The following SEMA6D variants were observed in gnomAD, a reference collection of about 807,000 sequenced individuals.
SEMA6D encodes semaphorin-6D.
Under a neutral mutation model 106.6 loss-of-function variants are expected in SEMA6D, and 35 were observed. The ratio of observed to expected loss-of-function variants is 0.33; its 90% CI spans 0.25 to 0.44. SEMA6D has a LOEUF of 0.44. Among genes scored for constraint, SEMA6D ranks in the 20% least tolerant of loss-of-function variants. SEMA6D has a pLI of 1.00. For synonymous variants in SEMA6D, 499 were observed against 487.7 expected, an observed-to-expected ratio of 1.02 and a Z score of -0.31; for missense variants, 1,185 against 1,345.9, an observed-to-expected ratio of 0.88 and a Z score of 1.87.
intron 3 of SEMA6D, among the ~76,000 whole-genome samples, chr15:47,506,599 AACACACACACACACAC>A (rs61155774): frequency 7.3e-6 from 1 of 137,796 alleles, no homozygotes; most frequent in Non-Finnish European, 1.6e-5. Context: ...CACACACACA[AACACACACACACACAC>A]ACACACACAC....
At chr15:47,481,559 G>A (rs1033654938) in intron 3 of SEMA6D, among the ~76,000 whole-genome samples, 4 of 152,206 alleles carry the variant, frequency 2.6e-5, no homozygotes, top group African/African-American at 9.6e-5. Context: ...GACTGTTTTA[G>A]GTCACAACCA....
chr15:47,429,649 T>C (rs16959469), intron 2 of SEMA6D, among the ~76,000 whole-genome samples: 1,904 of 152,248 alleles, frequency 0.013, 50 homozygotes, highest in African/African-American at 0.044. Flanking sequence ...GGGCAGATGG[T>C]ATTTTTCTGA....
At chr15:47,504,985 A>G (rs1275627792) in intron 3 of SEMA6D, among the ~76,000 whole-genome samples, 1 of 152,136 alleles carries the variant, frequency 6.6e-6, no homozygotes, top group Non-Finnish European at 1.5e-5. Context: ...CATTCCTGTC[A>G]TCTGAGCCTG....
At chr15:47,575,136 T>C (rs1355211814) in intron 3 of SEMA6D, among the ~76,000 whole-genome samples, 1 of 152,222 alleles carries the variant, frequency 6.6e-6, no homozygotes, top group Non-Finnish European at 1.5e-5. Context: ...ACAATTGTCA[T>C]TTCACTCATT....
At chr15:47,458,374 A>G (rs2042406186) in intron 2 of SEMA6D, among the ~76,000 whole-genome samples, 1 of 152,006 alleles carries the variant, frequency 6.6e-6, no homozygotes, top group Admixed American at 6.6e-5. Context: ...CCTAATTGAC[A>G]TTATGGAAGA....
At chr15:47,765,175 G>A in intron 13 of SEMA6D, 119 bp downstream of exon 13, 1 of 1,449,520 alleles carries the variant, frequency 6.9e-7, no homozygotes. Flanking sequence ...ATAGTGTTTT[G>A]TGTTTTTTTT....
At chr15:47,741,338 C>T (rs1197933488) in intron 1 of SEMA6D, among the ~76,000 whole-genome samples, 1 of 152,222 alleles carries the variant, frequency 6.6e-6, no homozygotes, top group African/African-American at 2.4e-5. Flanking sequence ...TGTTAGCATG[C>T]AACCCTGGCT....
At chr15:47,760,125 T>C in intron 2 of SEMA6D, 179 bp from the exon 3 acceptor site, 1 of 593,954 alleles carries the variant, frequency 1.7e-6, no homozygotes, top group Middle Eastern at 3.1e-4. Context: ...GTTATATATT[T>C]TGAGTTAAAA....
intron 2 of SEMA6D, among the ~76,000 whole-genome samples, chr15:47,463,363 C>A (rs1392649122): frequency 6.6e-6 from 1 of 152,188 alleles, no homozygotes; most frequent in Admixed American, 6.6e-5. Context: ...TGCTGATCAT[C>A]TCTGCCCATG....
chr15:47,694,891 A>G (rs568831588), intron 4 of SEMA6D, among the ~76,000 whole-genome samples: 1 of 152,304 alleles, frequency 6.6e-6, no homozygotes, highest in South Asian at 2.1e-4. Context: ...ATGTATTACA[A>G]TTATTGAGTT....
intron 2 of SEMA6D, among the ~76,000 whole-genome samples, chr15:47,449,613 C>T (rs894967412): frequency 6.6e-6 from 1 of 152,032 alleles, no homozygotes; most frequent in African/African-American, 2.4e-5. Flanking sequence ...AAAAAAGTAT[C>T]CCGAGCTTCT....
intron 2 of SEMA6D, among the ~76,000 whole-genome samples, chr15:47,420,564 A>G (rs1049752985): frequency 1.3e-5 from 2 of 152,104 alleles, no homozygotes; most frequent in African/African-American, 2.4e-5. Context: ...AGGTATGTGC[A>G]TTGCAAGTCC....
chr15:47,433,801 G>A (rs551202804), intron 2 of SEMA6D, among the ~76,000 whole-genome samples: 5 of 152,150 alleles, frequency 3.3e-5, no homozygotes, highest in African/African-American at 1.2e-4. Context: ...GCACAATGGG[G>A]TAAACAGAAA....
chr15:47,245,450 C>G (rs1215521625), intron 1 of SEMA6D, among the ~76,000 whole-genome samples: 1 of 152,128 alleles, frequency 6.6e-6, no homozygotes, highest in Non-Finnish European at 1.5e-5. Context: ...CTTGTGTTCT[C>G]TGATCTGTGG....
intron 1 of SEMA6D, among the ~76,000 whole-genome samples, chr15:47,408,212 C>T (rs1469231098): frequency 5.3e-5 from 8 of 152,150 alleles, no homozygotes; most frequent in Non-Finnish European, 8.8e-5. Context: ...AGCCCCGTCT[C>T]TGCCAGCTAC....
intron 4 of SEMA6D, among the ~76,000 whole-genome samples, chr15:47,693,848 G>C (rs917985587): frequency 6.6e-6 from 1 of 152,024 alleles, no homozygotes; most frequent in African/African-American, 2.4e-5. Context: ...GCTGAGTTAG[G>C]AGGATTGATC....
intron 1 of SEMA6D, among the ~76,000 whole-genome samples, chr15:47,261,754 T>TA (rs977450184): frequency 1.2e-3 from 177 of 152,310 alleles, no homozygotes; most frequent in African/African-American, 4.2e-3. Context: ...ACATTTCATG[T>TA]AAATAGAATA....
chr15:47,324,437 C>A (rs2143802369), intron 1 of SEMA6D, among the ~76,000 whole-genome samples: 1 of 151,962 alleles, frequency 6.6e-6, no homozygotes, highest in Non-Finnish European at 1.5e-5. Flanking sequence ...AATATAAACA[C>A]TAAATAAAAA....
At chr15:47,218,785 G>A (rs1263711739) in intron 1 of SEMA6D, among the ~76,000 whole-genome samples, 2 of 152,172 alleles carry the variant, frequency 1.3e-5, no homozygotes, top group African/African-American at 4.8e-5. Flanking sequence ...TCATCTAACG[G>A]TCACAGTAAC....
Sources: gnomAD v4.1 joint callset for allele counts (sites outside exome capture counted in the v4.1 genomes callset) on GRCh38, gnomAD v4.1.1 for gene constraint, MANE v1.5 for transcripts, NCBI Gene and HGNC (gene_info 2026-07-23, HGNC 2026-07-21) for gene names.